CLSTN2: variants seen among roughly 807,000 people sequenced by gnomAD.
The protein encoded by CLSTN2 is calsyntenin-2.
CLSTN2 carries 48 observed loss-of-function variants against 101.2 expected under a neutral mutation model. The ratio of observed to expected loss-of-function variants is 0.47; its 90% CI spans 0.38 to 0.60. The LOEUF is 0.60. Ranked by LOEUF, CLSTN2 falls within the 20% of genes least tolerant of loss-of-function variation. The pLI is 0.00. For synonymous variants in CLSTN2, 481 were observed against 463.6 expected (o/e 1.04, Z -0.48); for missense variants, 1,160 against 1,238.2 (o/e 0.94, Z 0.95).
In CLSTN2 at chr3:140,575,299, C is replaced by T. The variant is rs1453525663; in HGVS notation, c.*9046C>T. The T allele has an allele frequency of 6.6e-6, 1 of 152,136 alleles. No homozygotes were observed. Among genetic ancestry groups the T allele is most frequent in the Non-Finnish European group, 1.5e-5 (1 of 68,056 alleles). The allele number at this position is 152,136 out of a possible 1,614,324, so 9.4% of individuals were successfully genotyped here. A position where few individuals can be genotyped will look rare whatever the true frequency, so the allele number is the denominator to read the frequency against. On this transcript the variant is annotated 3_prime_UTR_variant, in exon 17 of 17. Coordinates refer to ENST00000458420, the MANE Select transcript of CLSTN2 (RefSeq NM_022131.3). Reference sequence around the variant, plus strand: ...TGGAGAGGAAACAGGAGAGTGGGTACAAGTGACAGCACCAGGAACAACCCC... The same window carrying T: ...TGGAGAGGAAACAGGAGAGTGGGTATAAGTGACAGCACCAGGAACAACCCC...
chr3:140,558,937 C>T (rs1935859160), intron 12 of CLSTN2, 80 bp downstream of exon 12: 1 of 1,120,036 alleles, frequency 8.9e-7, no homozygotes, highest in Non-Finnish European at 1.3e-6. Flanking sequence ...AGAACAACAG[C>T]ATTGTTCATG....
At chr3:140,094,889 T>G (rs4683797) in intron 1 of CLSTN2, among the ~76,000 whole-genome samples, 52,153 of 152,124 alleles carry the variant, frequency 0.34, 10,719 homozygotes, top group East Asian at 0.57. Context: ...TTCCGTAAAT[T>G]ACGTTATAAT....
intron 1 of CLSTN2, among the ~76,000 whole-genome samples, chr3:140,088,143 C>G (rs1207119786): frequency 6.6e-6 from 1 of 152,090 alleles, no homozygotes; most frequent in Admixed American, 6.6e-5. Flanking sequence ...CCTAAGAAAA[C>G]CAGATGCAAA....
chr3:140,114,354 A>G (rs1204890605), intron 1 of CLSTN2, among the ~76,000 whole-genome samples: 1 of 152,046 alleles, frequency 6.6e-6, no homozygotes, highest in Non-Finnish European at 1.5e-5. Context: ...GGTCTGCCCC[A>G]TGGTGCTCCC....
In CLSTN2 at chr3:140,496,202, A is replaced by C. The variant is rs557315852; in HGVS notation, c.1344+29471A>C. 3.3e-5 allele frequency among the ~76,000 whole-genome samples: 5 copies of C among 152,162 alleles called. No individual in the cohort carries two copies. The East Asian group carries it at 9.7e-4, about 29-fold the overall frequency. ...CACTTCCCTTGTTAGCTGTATTCTT[A>C]GGTATTTTATTCTCTTTGTAGCAAT... On this transcript the variant is annotated intron_variant, in intron 8 of 16. Transcript: ENST00000458420.
chr3:140,184,686 C>T (rs1364669493), intron 2 of CLSTN2, among the ~76,000 whole-genome samples: 1 of 152,124 alleles, frequency 6.6e-6, no homozygotes, highest in African/African-American at 2.4e-5. Flanking sequence ...GTAGGGTCAT[C>T]AATGCAATCA....
chr3:140,057,541 C>G (rs1171857389), intron 1 of CLSTN2, among the ~76,000 whole-genome samples: 1 of 152,096 alleles, frequency 6.6e-6, no homozygotes, highest in Non-Finnish European at 1.5e-5. Flanking sequence ...ATTGATTTTC[C>G]TGCATAGTAT....
intron 2 of CLSTN2, among the ~76,000 whole-genome samples, chr3:140,391,634 A>T (rs1286736000): frequency 3.3e-5 from 5 of 151,926 alleles, no homozygotes; most frequent in Non-Finnish European, 5.9e-5. Flanking sequence ...TTAAACTAAT[A>T]CTAATATAAT....
intron 1 of CLSTN2, among the ~76,000 whole-genome samples, chr3:140,136,142 A>C (rs1372889714): frequency 6.6e-6 from 1 of 152,178 alleles, no homozygotes; most frequent in Non-Finnish European, 1.5e-5. Flanking sequence ...CAGTGCTCTA[A>C]TAATTGAAAA....
At chr3:140,174,964 C>T (rs1320924835) in intron 1 of CLSTN2, among the ~76,000 whole-genome samples, 2 of 152,180 alleles carry the variant, frequency 1.3e-5, no homozygotes, top group Admixed American at 1.3e-4. Context: ...AGGAAAGGCT[C>T]CGTTCCAGGA....
rs1445490738 is a variant in CLSTN2 at position 140,567,982 on chromosome 3, C to T, written c.*1729C>T. ...CCTAAAGTGTTTTCTGCATCTGTTCCTTCCTTTGGACCTCACAACAAATCC... is the reference window on the plus strand; with the variant it reads ...CCTAAAGTGTTTTCTGCATCTGTTCTTTCCTTTGGACCTCACAACAAATCC... On this transcript the variant is annotated 3_prime_UTR_variant, in exon 17 of 17. Coordinates refer to ENST00000458420, the MANE Select transcript of CLSTN2 (RefSeq NM_022131.3). 1 of 152,204 alleles carries T rather than the reference C, an allele frequency of 6.6e-6. No individual in the cohort carries two copies. The highest frequency in any genetic ancestry group is 1.5e-5 in the Non-Finnish European group (1 of 68,056). The allele number at this position is 152,204 out of a possible 1,614,324, so 9.4% of individuals were successfully genotyped here.
intron 1 of CLSTN2, among the ~76,000 whole-genome samples, chr3:139,959,194 A>T (rs1254767812): frequency 5.3e-5 from 8 of 152,092 alleles, no homozygotes; most frequent in Non-Finnish European, 8.8e-5. Context: ...CCAAAGTTCC[A>T]GGTCTACTAT....
chr3:140,358,728 TCACTC>T (rs1166945899), intron 2 of CLSTN2, among the ~76,000 whole-genome samples: 1 of 152,076 alleles, frequency 6.6e-6, no homozygotes, highest in Non-Finnish European at 1.5e-5. Context: ...CCCCACCTCT[TCACTC>T]CAATCCCCCA....
At chr3:140,406,153 GCATCAGC>G (rs2088299835) in intron 4 of CLSTN2, among the ~76,000 whole-genome samples, 1 of 152,162 alleles carries the variant, frequency 6.6e-6, no homozygotes, top group South Asian at 2.1e-4. Flanking sequence ...GAGGAAAATA[GCATCAGC>G]CACCTGCTTG....
intron 6 of CLSTN2, among the ~76,000 whole-genome samples, chr3:140,458,154 T>C (rs533773387): frequency 1.4e-5 from 2 of 147,630 alleles, no homozygotes; most frequent in African/African-American, 5.1e-5. Flanking sequence ...CAAAGGGTCA[T>C]TTTAATGGTA....
chr3:140,356,528 G>A (rs935637407), intron 2 of CLSTN2, among the ~76,000 whole-genome samples: 1 of 152,096 alleles, frequency 6.6e-6, no homozygotes. Context: ...GGGAGGCCAA[G>A]GTGGGCAGAT....
chr3:140,082,631 C>T (rs750688739), intron 1 of CLSTN2, among the ~76,000 whole-genome samples: 10 of 152,170 alleles, frequency 6.6e-5, no homozygotes, highest in Non-Finnish European at 1.3e-4. Flanking sequence ...TACACCTTCT[C>T]ATCCCCTCGT....
At chr3:140,522,257 G>C (rs905208760) in intron 8 of CLSTN2, among the ~76,000 whole-genome samples, 4 of 152,218 alleles carry the variant, frequency 2.6e-5, no homozygotes, top group African/African-American at 9.6e-5. Context: ...TCAGTTGAAG[G>C]TGCTGAATTC....
intron 2 of CLSTN2, among the ~76,000 whole-genome samples, chr3:140,299,409 G>A (rs748321946): frequency 1.4e-4 from 21 of 152,196 alleles, no homozygotes; most frequent in Non-Finnish European, 2.6e-4. Flanking sequence ...TAGTAAACCA[G>A]TGTTCTTAAT....
Sources: gnomAD v4.1 joint callset for allele counts (sites outside exome capture counted in the v4.1 genomes callset) on GRCh38, gnomAD v4.1.1 for gene constraint, MANE v1.5 for transcripts, NCBI Gene and HGNC (gene_info 2026-07-23, HGNC 2026-07-21) for gene names.